The following SHROOM2 variants were observed in gnomAD, a reference collection of about 807,000 sequenced individuals.
SHROOM2 encodes shroom family member 2, also known as protein Shroom2.
A neutral mutation model predicts 75.9 loss-of-function variants in SHROOM2; 33 were observed. The observed-to-expected ratio is 0.43, with a 90% CI of 0.33 to 0.58. SHROOM2 has a LOEUF of 0.58. SHROOM2 is among the 20% of genes least tolerant of loss of function. The probability of loss-of-function intolerance (pLI) is 0.04; values close to 1 mark genes in which losing one functional copy is unlikely to be tolerated. For synonymous variants in SHROOM2, 655 were observed against 663.6 expected, an observed-to-expected ratio of 0.99 and a Z score of 0.20; for missense variants, 1,434 against 1,461.2, an observed-to-expected ratio of 0.98 and a Z score of 0.30.
intron 1 of SHROOM2, among the ~76,000 whole-genome samples, chrX:9,820,870 A>G (rs779634822): frequency 1.8e-5 from 2 of 112,505 alleles, no homozygotes; most frequent in South Asian, 7.3e-4. Flanking sequence ...CTGTGGGCCA[A>G]ATTACTCCTC....
chrX:9,860,585 G>A (rs990355067), intron 1 of SHROOM2, among the ~76,000 whole-genome samples: 2 of 111,248 alleles, frequency 1.8e-5, no homozygotes, highest in Non-Finnish European at 3.8e-5. Flanking sequence ...CACCATGCCT[G>A]GCTAATTTTT....
chrX:9,863,813 G>A (rs1391442971), intron 1 of SHROOM2, among the ~76,000 whole-genome samples: 1 of 110,492 alleles, frequency 9.1e-6, no homozygotes, highest in African/African-American at 3.3e-5. Context: ...TGTCAACTAT[G>A]AGGAAAGGAA....
chrX:9,915,813 A>G (rs1374517678), intron 5 of SHROOM2, among the ~76,000 whole-genome samples: 1 of 112,465 alleles, frequency 8.9e-6, no homozygotes, highest in African/African-American at 3.2e-5. Flanking sequence ...ATTCTGGTTC[A>G]GCTGAGTTAG....
At chrX:9,905,491 A>C (rs1368638952) in intron 5 of SHROOM2, among the ~76,000 whole-genome samples, 1 of 112,803 alleles carries the variant, frequency 8.9e-6, no homozygotes, top group African/African-American at 3.2e-5. Context: ...TGCATACCAC[A>C]CAGCTCACCA....
intron 5 of SHROOM2, among the ~76,000 whole-genome samples, chrX:9,924,901 C>A (rs181552446): frequency 9.0e-6 from 1 of 111,040 alleles, no homozygotes; most frequent in East Asian, 2.8e-4. Context: ...TGAATTCCTC[C>A]CACCTCGGCC....
intron 1 of SHROOM2, among the ~76,000 whole-genome samples, chrX:9,807,466 T>C (rs2083760735): frequency 8.9e-6 from 1 of 111,831 alleles, no homozygotes. Context: ...AGGAACAGGC[T>C]TCAGGTGTTT....
chrX:9,855,622 G>A (rs2146781038), intron 1 of SHROOM2, among the ~76,000 whole-genome samples: 1 of 111,957 alleles, frequency 8.9e-6, no homozygotes, highest in East Asian at 2.8e-4. Context: ...GATGTGGAGT[G>A]AAACAAGGCT....
At chrX:9,945,953 A>G (rs374533775) in intron 9 of SHROOM2, among the ~76,000 whole-genome samples, 2 of 112,781 alleles carry the variant, frequency 1.8e-5, no homozygotes, top group East Asian at 5.6e-4. Flanking sequence ...CAGAAGAAGC[A>G]CCCTTCCCCT....
Position 9,937,200 on chromosome X carries a change from G to C in SHROOM2, c.3654G>C (p.Glu1218Asp), listed in dbSNP as rs1463352128. The C allele has an allele frequency of 4.2e-6, 5 of 1,204,688 alleles. No individual in the cohort carries two copies. Among genetic ancestry groups the C allele is most frequent in the Non-Finnish European group, 4.5e-6 (4 of 891,994 alleles). Residue 1218 changes from glutamate (E) to aspartate (D), a missense_variant, in exon 7 of 10, where the codon GAG becomes GAC. Glu to Asp is a conservative substitution (Grantham distance 45). This residue lies in a region of SHROOM2 where 1,340 missense variants were observed against 1,338.3 expected (regional missense o/e 1.00). Coordinates refer to ENST00000380913, the MANE Select transcript of SHROOM2 (RefSeq NM_001649.4). Reference sequence around the variant, plus strand: ...TGCCCATCAAGATCGTGCACTCGGAGAGCCAGCCAGAGAAGGAGAGCCGCC... The same window carrying C: ...TGCCCATCAAGATCGTGCACTCGGACAGCCAGCCAGAGAAGGAGAGCCGCC... ...KMVPIKIVHS[E>D]SQPEKESRQS...
intron 5 of SHROOM2, among the ~76,000 whole-genome samples, chrX:9,920,078 ACGGT>A (rs369357536): frequency 6.5e-5 from 4 of 61,583 alleles, no homozygotes; most frequent in African/African-American, 2.9e-4. Context: ...CAACTTCACT[ACGGT>A]TCATCAGACA....
Position 9,895,199 on chromosome X carries a change from C to A in SHROOM2, c.1291C>A (p.Leu431Ile). Reference protein sequence around the residue: ...QSPHSGRHPPLYSDHSPLCAD... With the variant: ...QSPHSGRHPPIYSDHSPLCAD... Reference sequence around the variant, plus strand: ...TCCTCATAGCGGCCGACACCCTCCCCTATACAGCGACCACAGCCCCCTCTG... The same window carrying A: ...TCCTCATAGCGGCCGACACCCTCCCATATACAGCGACCACAGCCCCCTCTG... The change falls in exon 4 of 10, where the codon CTA becomes ATA. Residue 431 changes from leucine (L) to isoleucine (I), a missense_variant. Around this residue, in one of 3 missense-constraint regions of SHROOM2, gnomAD observed 1,340 missense variants for 1,338.3 expected, o/e 1.00. Transcript: ENST00000380913. 1 of 1,210,255 alleles carries A rather than the reference C, an allele frequency of 8.3e-7. No individual in the cohort carries two copies. Among genetic ancestry groups the A allele is most frequent in the Non-Finnish European group, 1.1e-6 (1 of 894,755 alleles).
intron 1 of SHROOM2, among the ~76,000 whole-genome samples, chrX:9,833,064 C>A (rs181684716): frequency 9.7e-4 from 107 of 110,632 alleles, no homozygotes; most frequent in African/African-American, 3.5e-3. Context: ...AATGTCTTCT[C>A]GCGTCCTTGT....
At chrX:9,907,078 C>T (rs750749665) in intron 5 of SHROOM2, among the ~76,000 whole-genome samples, 1 of 111,209 alleles carries the variant, frequency 9.0e-6, no homozygotes, top group African/African-American at 3.3e-5. Flanking sequence ...TACTGTCCCA[C>T]CGGACCCAGC....
rs2084827853 is a variant in SHROOM2 at position 9,947,038 on chromosome X, G to T, written c.*101G>T. 1 of 830,666 alleles carries T rather than the reference G, an allele frequency of 1.2e-6. No homozygotes were observed. Among genetic ancestry groups the T allele is most frequent in the South Asian group, 2.7e-5 (1 of 36,970 alleles). The allele number at this position is 830,666 out of a possible 1,213,427, so 68.5% of individuals were successfully genotyped here. A position where few individuals can be genotyped will look rare whatever the true frequency, so the allele number is the denominator to read the frequency against. ...CCCATCTGTGTTCATGGCCTGGAAA[G>T]AGACTTCTCCCATAGCAAAGAGGCT... On this transcript the variant is annotated 3_prime_UTR_variant, in exon 10 of 10. Transcript: ENST00000380913.
chrX:9,871,666 G>A (rs1420313738), intron 1 of SHROOM2, among the ~76,000 whole-genome samples: 1 of 112,001 alleles, frequency 8.9e-6, no homozygotes, highest in African/African-American at 3.2e-5. Flanking sequence ...GACTAGCAGT[G>A]AATAATTGCT....
At chrX:9,814,791 C>T (rs1306018099) in intron 1 of SHROOM2, among the ~76,000 whole-genome samples, 2 of 111,769 alleles carry the variant, frequency 1.8e-5, no homozygotes, top group East Asian at 2.8e-4. Context: ...TCTCCCTCAC[C>T]GTCCCCATTC....
intron 2 of SHROOM2, among the ~76,000 whole-genome samples, chrX:9,874,121 C>T (rs1161594446): frequency 8.9e-6 from 1 of 112,216 alleles, no homozygotes; most frequent in Non-Finnish European, 1.9e-5. Flanking sequence ...ATGTTGTTGC[C>T]TGTCTTGTAC....
intron 1 of SHROOM2, among the ~76,000 whole-genome samples, chrX:9,870,440 T>A (rs2084165312): frequency 8.9e-6 from 1 of 112,424 alleles, no homozygotes; most frequent in Admixed American, 9.5e-5. Flanking sequence ...ATAAATTAAA[T>A]TCTGAGTTTT....
intron 1 of SHROOM2, among the ~76,000 whole-genome samples, chrX:9,807,401 T>C (rs1197495176): frequency 1.8e-5 from 2 of 112,124 alleles, no homozygotes; most frequent in African/African-American, 6.5e-5. Flanking sequence ...CAGGGGGCTG[T>C]TTCCATGAGC....
Sources: gnomAD v4.1 joint callset for allele counts (sites outside exome capture counted in the v4.1 genomes callset) on GRCh38, gnomAD v4.1.1 for gene constraint, gnomAD v4.1.1 regional missense constraint, MANE v1.5 for transcripts, NCBI Gene and HGNC (gene_info 2026-07-23, HGNC 2026-07-21) for gene names.